The following LARGE1 variants were observed in gnomAD, a reference collection of about 807,000 sequenced individuals.
LARGE1 encodes LARGE xylosyl- and glucuronyltransferase 1.
In LARGE1, 43 loss-of-function variants were observed where a neutral mutation model predicts 87.6. That is an observed-to-expected ratio of 0.49 (90% CI 0.38 to 0.63). The LOEUF is 0.63. Among genes scored for constraint, LARGE1 ranks in the 30% least tolerant of loss-of-function variants. LARGE1 has a pLI of 0.00. For missense variants in LARGE1, 802 were observed against 1,000.2 expected, an observed-to-expected ratio of 0.80 and a Z score of 2.67; for synonymous variants, 434 against 394.6, an observed-to-expected ratio of 1.10 and a Z score of -1.18.
At chr22:33,112,644 G>A in the LARGE1 span, among the ~76,000 whole-genome samples, 335 of 152,318 alleles carry the variant, frequency 2.2e-3, no homozygotes, top group Admixed American at 3.4e-3. Flanking sequence ...GACAGAGAGA[G>A]GTAGGAAGGG....
At chr22:33,663,237 T>C (rs1385113715) in intron 2 of LARGE1, among the ~76,000 whole-genome samples, 2 of 152,144 alleles carry the variant, frequency 1.3e-5, no homozygotes, top group Non-Finnish European at 1.5e-5. Flanking sequence ...AAAGATAACA[T>C]GTTACCAAGA....
At chr22:33,620,126 T>G (rs920120103) in intron 4 of LARGE1, among the ~76,000 whole-genome samples, 10 of 152,206 alleles carry the variant, frequency 6.6e-5, no homozygotes, top group Non-Finnish European at 1.2e-4. Context: ...GTCACGAATA[T>G]GCTCTTTTAT....
chr22:33,634,353 T>C (rs2080200963), intron 3 of LARGE1, among the ~76,000 whole-genome samples: 1 of 152,202 alleles, frequency 6.6e-6, no homozygotes, highest in Non-Finnish European at 1.5e-5. Context: ...CAGGCGACAC[T>C]GCTGCTGCCG....
chr22:33,102,526 G>A, the LARGE1 span, among the ~76,000 whole-genome samples: 5 of 145,120 alleles, frequency 3.4e-5, no homozygotes, highest in Non-Finnish European at 7.5e-5. Flanking sequence ...TTTCACTCTT[G>A]TTGCCCAGGC....
the LARGE1 span, among the ~76,000 whole-genome samples, chr22:33,134,297 C>A: frequency 7.0e-6 from 1 of 142,866 alleles, no homozygotes; most frequent in Non-Finnish European, 1.5e-5. Flanking sequence ...CTTGCTCTGT[C>A]GCCCAGGCTT....
chr22:33,778,543 T>TA (rs1387949829), intron 1 of LARGE1, among the ~76,000 whole-genome samples: 1 of 152,226 alleles, frequency 6.6e-6, no homozygotes, highest in Non-Finnish European at 1.5e-5. Context: ...AGCAGCTCTG[T>TA]ATATTCCATG....
intron 4 of LARGE1, among the ~76,000 whole-genome samples, chr22:33,607,084 G>A (rs965796713): frequency 6.6e-6 from 1 of 152,124 alleles, no homozygotes; most frequent in African/African-American, 2.4e-5. Context: ...GAACTGAATG[G>A]ATAGATGGGA....
intron 11 of LARGE1, among the ~76,000 whole-genome samples, chr22:33,243,360 T>G (rs1926610558): frequency 6.6e-6 from 1 of 152,230 alleles, no homozygotes; most frequent in Non-Finnish European, 1.5e-5. Context: ...TTTTATCACC[T>G]CAGAAAGTTC....
intron 6 of LARGE1, among the ~76,000 whole-genome samples, chr22:33,501,419 C>G (rs1228970874): frequency 6.6e-6 from 1 of 152,112 alleles, no homozygotes; most frequent in Admixed American, 6.5e-5. Context: ...TGGACACTTA[C>G]ACCTGCGATG....
rs779045662 is a variant in LARGE1, at chr22:33,754,497, G to A, written c.106+6874C>T. Among the ~76,000 whole-genome samples, 80 of 151,938 alleles carry A rather than the reference G, an allele frequency of 5.3e-4. No homozygotes were observed. In the East Asian group the frequency reaches 9.8e-3, roughly 19 times the overall value. On this transcript the variant is annotated intron_variant, in intron 2 of 14. Coordinates refer to ENST00000397394, the MANE Select transcript of LARGE1 (RefSeq NM_133642.5). ...ACTACAGGCGCCCACCACCACGCCCGGCTAATTTTTTTGTATTTTTAGTAG... is the reference window on the plus strand; with the variant it reads ...ACTACAGGCGCCCACCACCACGCCCAGCTAATTTTTTTGTATTTTTAGTAG...
At chr22:33,465,184 A>C (rs1323359673) in intron 6 of LARGE1, among the ~76,000 whole-genome samples, 1 of 152,260 alleles carries the variant, frequency 6.6e-6, no homozygotes, top group African/African-American at 2.4e-5. Context: ...TAATTTGAGC[A>C]AAAGAAGCAA....
chr22:33,136,893 G>A, the LARGE1 span, among the ~76,000 whole-genome samples: 38 of 151,168 alleles, frequency 2.5e-4, no homozygotes, highest in African/African-American at 8.5e-4. Context: ...TGTTAGGGGA[G>A]GAGAAAACTG....
chr22:33,578,111 C>G (rs1484056811), intron 5 of LARGE1, among the ~76,000 whole-genome samples: 1 of 152,142 alleles, frequency 6.6e-6, no homozygotes, highest in African/African-American at 2.4e-5. Context: ...ACATTCACCT[C>G]CCCCCGCCAA....
At chr22:33,494,654 G>A (rs1261042653) in intron 6 of LARGE1, among the ~76,000 whole-genome samples, 2 of 152,132 alleles carry the variant, frequency 1.3e-5, no homozygotes, top group African/African-American at 4.8e-5. Flanking sequence ...CAGGTAGGCA[G>A]CTTAACTAAT....
intron 6 of LARGE1, among the ~76,000 whole-genome samples, chr22:33,471,639 G>C (rs2068846598): frequency 6.6e-6 from 1 of 152,110 alleles, no homozygotes; most frequent in Non-Finnish European, 1.5e-5. Context: ...GGCTGCCCAG[G>C]AAACTCTTCC....
intron 6 of LARGE1, among the ~76,000 whole-genome samples, chr22:33,451,530 T>C (rs1196400685): frequency 6.7e-6 from 1 of 148,652 alleles, no homozygotes. Flanking sequence ...CCCCACCGAG[T>C]CCCCAAAATC....
intron 11 of LARGE1, among the ~76,000 whole-genome samples, chr22:33,242,523 C>T (rs1052052246): frequency 4.6e-5 from 7 of 152,128 alleles, no homozygotes; most frequent in Non-Finnish European, 1.0e-4. Flanking sequence ...CATATGGACA[C>T]GATCTCAGCA....
chr22:33,797,298 C>T (rs1040600326), intron 1 of LARGE1, among the ~76,000 whole-genome samples: 1 of 152,196 alleles, frequency 6.6e-6, no homozygotes, highest in Non-Finnish European at 1.5e-5. Context: ...AAGCCCTTAG[C>T]TCCACCTTTC....
intron 12 of LARGE1, among the ~76,000 whole-genome samples, chr22:33,299,881 T>C (rs551007256): frequency 6.6e-6 from 1 of 152,280 alleles, no homozygotes; most frequent in South Asian, 2.1e-4. Flanking sequence ...TCAGAAAAAG[T>C]AGATGAAGGG....
Sources: allele counts gnomAD v4.1 joint callset (sites outside exome capture counted in the v4.1 genomes callset), GRCh38; gene constraint gnomAD v4.1.1; transcripts MANE v1.5; gene names NCBI Gene and HGNC (gene_info 2026-07-23, HGNC 2026-07-21).